EYS: variants seen among roughly 807,000 people sequenced by gnomAD.
EYS encodes EGF-like photoreceptor maintenance factor, also known as protein eyes shut homolog.
A neutral mutation model predicts 282.1 loss-of-function variants in EYS; 250 were observed. That is an observed-to-expected ratio of 0.89 (90% confidence interval 0.80 to 0.98). EYS has a LOEUF of 0.98. EYS is among the 50% of genes least tolerant of loss of function. EYS has a pLI of 0.00. For synonymous variants in EYS, 1,355 were observed against 1,282.9 expected, an observed-to-expected ratio of 1.06 and a Z score of -1.20; for missense variants, 4,016 against 3,709.0, an observed-to-expected ratio of 1.08 and a Z score of -2.15.
chr6:64,090,662 G>T (rs1294191221), intron 31 of EYS, among the ~76,000 whole-genome samples: 2 of 151,784 alleles, frequency 1.3e-5, no homozygotes, highest in Admixed American at 6.6e-5. Flanking sequence ...GAAAAAACAT[G>T]CCTCTAATTT....
chr6:65,143,781 C>T, intron 12 of EYS, among the ~76,000 whole-genome samples: 1 of 152,080 alleles, frequency 6.6e-6, no homozygotes, highest in African/African-American at 2.4e-5. Flanking sequence ...GTCTCTGTTA[C>T]TCCTCTAGAC....
chr6:65,244,515 TATTTA>T (rs1381750274), intron 12 of EYS, among the ~76,000 whole-genome samples: 2 of 152,020 alleles, frequency 1.3e-5, no homozygotes, highest in Non-Finnish European at 2.9e-5. Flanking sequence ...TTTATTTATT[TATTTA>T]TTTATTATTT....
chr6:65,093,834 G>T (rs973154548), intron 12 of EYS, among the ~76,000 whole-genome samples: 10 of 151,618 alleles, frequency 6.6e-5, no homozygotes, highest in Non-Finnish European at 1.3e-4. Context: ...TACATAGAGT[G>T]CCTGAATAGA....
At chr6:64,611,928 T>C (rs1417491234) in intron 24 of EYS, among the ~76,000 whole-genome samples, 4 of 152,100 alleles carry the variant, frequency 2.6e-5, no homozygotes, top group Non-Finnish European at 5.9e-5. Flanking sequence ...TATTTCCTAT[T>C]AGGAGATAAT....
chr6:65,068,138 G>C (rs1199059586), intron 12 of EYS, among the ~76,000 whole-genome samples: 1 of 152,076 alleles, frequency 6.6e-6, no homozygotes, highest in African/African-American at 2.4e-5. Context: ...TTTATTGCCT[G>C]AGAGATTTTT....
chr6:64,521,536 A>C (rs1777734832), intron 26 of EYS, among the ~76,000 whole-genome samples: 1 of 151,672 alleles, frequency 6.6e-6, no homozygotes, highest in Non-Finnish European at 1.5e-5. Context: ...GATATGCTTG[A>C]AGCTGCAAGA....
intron 41 of EYS, among the ~76,000 whole-genome samples, chr6:63,734,180 A>C (rs1489517900): frequency 6.6e-6 from 1 of 152,130 alleles, no homozygotes; most frequent in Non-Finnish European, 1.5e-5. Context: ...TATGCTCACT[A>C]CCTGGGTGAC....
At chr6:64,923,586 C>G (rs1214650119) in intron 15 of EYS, among the ~76,000 whole-genome samples, 1 of 152,152 alleles carries the variant, frequency 6.6e-6, no homozygotes, top group Non-Finnish European at 1.5e-5. Flanking sequence ...TGAGACAAGG[C>G]AAGTCCCTTC....
At position 64,854,250 on chromosome 6, in the gene EYS, G is replaced by A. The variant is rs138496809; in HGVS notation, c.2993-31428C>T. ...TTTGACTCAGCAATCGCATTACTGGGTATATACCCAAATGATTATAAATCA... is the reference window on the plus strand; with the variant it reads ...TTTGACTCAGCAATCGCATTACTGGATATATACCCAAATGATTATAAATCA... On this transcript the variant is annotated intron_variant, in intron 19 of 42. Coordinates refer to ENST00000503581, the MANE Select transcript of EYS (RefSeq NM_001142800.2). Among the ~76,000 whole-genome samples, 164 of 152,136 alleles carry A rather than the reference G, an allele frequency of 1.1e-3. 3 individuals carry two copies. The East Asian group carries it at 0.026, about 24-fold the overall frequency.
At chr6:63,765,392 A>C (rs6923786) in intron 40 of EYS, among the ~76,000 whole-genome samples, 3 of 46,782 alleles carry the variant, frequency 6.4e-5, no homozygotes, top group African/African-American at 2.3e-4. Flanking sequence ...AAGGCTTAGG[A>C]AAGGCCGCCA....
At chr6:64,238,661 T>G (rs1766689465) in intron 30 of EYS, among the ~76,000 whole-genome samples, 1 of 152,190 alleles carries the variant, frequency 6.6e-6, no homozygotes, top group South Asian at 2.1e-4. Flanking sequence ...TTTTAATGGC[T>G]GTTTATGTTC....
At chr6:65,594,612 T>C (rs1765343364) in intron 2 of EYS, among the ~76,000 whole-genome samples, 1 of 152,116 alleles carries the variant, frequency 6.6e-6, no homozygotes, top group African/African-American at 2.4e-5. Context: ...ATTCTGTAGG[T>C]TGCCTGTTCA....
At chr6:65,655,360 T>A (rs1047760626) in intron 1 of EYS, among the ~76,000 whole-genome samples, 1 of 151,716 alleles carries the variant, frequency 6.6e-6, no homozygotes, top group African/African-American at 2.4e-5. Flanking sequence ...TCAAGATACC[T>A]GGAAAATACT....
chr6:64,297,469 A>C (rs1376677112), intron 30 of EYS, among the ~76,000 whole-genome samples: 1 of 152,228 alleles, frequency 6.6e-6, no homozygotes, highest in Non-Finnish European at 1.5e-5. Context: ...ACATGGATAC[A>C]TATTAAAACC....
chr6:65,026,889 C>T (rs1314843635), intron 13 of EYS, among the ~76,000 whole-genome samples: 2 of 138,990 alleles, frequency 1.4e-5, no homozygotes, highest in African/African-American at 5.0e-5. Flanking sequence ...TGCACTCCAG[C>T]CTGGGCGACA....
intron 1 of EYS, among the ~76,000 whole-genome samples, chr6:65,663,745 G>T (rs1045576083): frequency 6.6e-6 from 1 of 151,922 alleles, no homozygotes; most frequent in South Asian, 2.1e-4. Flanking sequence ...GCAGTGGCAC[G>T]ATCTCAGCTC....
chr6:65,474,409 C>T (rs1304136728), intron 5 of EYS, among the ~76,000 whole-genome samples: 2 of 152,054 alleles, frequency 1.3e-5, no homozygotes, highest in Admixed American at 6.6e-5. Context: ...TTTCTCTACC[C>T]CTTTATCCTA....
chr6:64,784,182 ATTATC>A (rs1277283937), intron 22 of EYS, among the ~76,000 whole-genome samples: 1 of 151,572 alleles, frequency 6.6e-6, no homozygotes, highest in East Asian at 1.9e-4. Context: ...TTTTTATTGA[ATTATC>A]TTTCTTTTCT....
intron 26 of EYS, among the ~76,000 whole-genome samples, chr6:64,453,146 C>A (rs750251339): frequency 2.6e-5 from 4 of 151,708 alleles, no homozygotes; most frequent in Admixed American, 1.3e-4. Context: ...CAATGAACTC[C>A]AACAAATTTA....
Sources: allele counts gnomAD v4.1 joint callset (sites outside exome capture counted in the v4.1 genomes callset), GRCh38; gene constraint gnomAD v4.1.1; transcripts MANE v1.5; gene names NCBI Gene and HGNC (gene_info 2026-07-23, HGNC 2026-07-21).